The following FAM199X variants were observed in gnomAD, a reference collection of about 807,000 sequenced individuals.
The protein encoded by FAM199X is family with sequence similarity 199, X-linked.
In FAM199X, 4 loss-of-function variants were observed where a neutral mutation model predicts 22.9. That is an observed-to-expected ratio of 0.17 (90% confidence interval 0.09 to 0.40). The LOEUF (loss-of-function observed/expected upper bound fraction) is 0.40. Ranked by LOEUF, FAM199X falls within the 10% of genes least tolerant of loss-of-function variation. The pLI is 1.00. For synonymous variants in FAM199X, 101 were observed against 112.3 expected (o/e 0.90, Z 0.64); for missense variants, 183 against 306.8 (o/e 0.60, Z 3.01).
At chrX:104,182,080 A>T (rs900074676) in intron 2 of FAM199X, among the ~76,000 whole-genome samples, 2 of 101,666 alleles carry the variant, frequency 2.0e-5, no homozygotes, top group African/African-American at 7.4e-5. Context: ...CCTCTGCCTC[A>T]TGGGTTCAAG....
chrX:104,188,676 C>A (rs138203756), intron 5 of FAM199X, among the ~76,000 whole-genome samples: 103 of 112,059 alleles, frequency 9.2e-4, no homozygotes, highest in Non-Finnish European at 1.7e-3. Flanking sequence ...TTGTGTATGT[C>A]TTTTGTGTGT....
intron 2 of FAM199X, among the ~76,000 whole-genome samples, chrX:104,181,368 C>T (rs1459601098): frequency 9.0e-6 from 1 of 111,723 alleles, no homozygotes; most frequent in Non-Finnish European, 1.9e-5. Flanking sequence ...TATACAGGAG[C>T]CCATACAATT....
Position 104,191,748 on chromosome X carries a change from C to T in FAM199X, c.*1970C>T, listed in dbSNP as rs1172903258. ...TAGAGCACCATTTATCTGTCAAATACTTGGAAACTATTTACTTAACGGTCA... is the reference window on the plus strand; with the variant it reads ...TAGAGCACCATTTATCTGTCAAATATTTGGAAACTATTTACTTAACGGTCA... On this transcript the variant is annotated 3_prime_UTR_variant, in exon 6 of 6. Transcript: ENST00000493442. The T allele has an allele frequency of 2.7e-5, 3 of 111,935 alleles. No homozygotes were observed. The highest frequency in any genetic ancestry group is 9.7e-5 in the African/African-American group (3 of 30,905). The allele number at this position is 111,935 out of a possible 1,213,427, so 9.2% of individuals were successfully genotyped here. A position where few individuals can be genotyped will look rare whatever the true frequency, so the allele number is the denominator to read the frequency against.
At chrX:104,189,577 C>T (rs1556379917) in intron 5 of FAM199X, 31 bp from the exon 6 acceptor site, 1 of 1,207,300 alleles carries the variant, frequency 8.3e-7, no homozygotes, top group Middle Eastern at 2.3e-4. Context: ...AAAACTAAAC[C>T]AAACTGATTT....
At chrX:104,183,978 A>G (rs1211999798) in intron 2 of FAM199X, among the ~76,000 whole-genome samples, 1 of 111,445 alleles carries the variant, frequency 9.0e-6, no homozygotes, top group African/African-American at 3.3e-5. Context: ...GGTTTCATGT[A>G]TTTCTTTGTG....
rs1368670731 is a variant in FAM199X, at chrX:104,194,715, A to G, written c.*4937A>G. On this transcript the variant is annotated 3_prime_UTR_variant, in exon 6 of 6. Coordinates refer to ENST00000493442, the MANE Select transcript of FAM199X (RefSeq NM_207318.4). ...ATGGTAAACAAGTATATGCAAAACAATTCACATATGGGTAAAAATTTCAAA... is the reference window on the plus strand; with the variant it reads ...ATGGTAAACAAGTATATGCAAAACAGTTCACATATGGGTAAAAATTTCAAA... The G allele has an allele frequency of 8.9e-6, 1 of 112,174 alleles. No homozygotes were observed. Among genetic ancestry groups the G allele is most frequent in the Non-Finnish European group, 1.9e-5 (1 of 53,141 alleles). The allele number at this position is 112,174 out of a possible 1,213,427, so 9.2% of individuals were successfully genotyped here.
At chrX:104,170,048 A>G (rs782078439) in intron 1 of FAM199X, among the ~76,000 whole-genome samples, 5 of 112,453 alleles carry the variant, frequency 4.4e-5, no homozygotes, top group Non-Finnish European at 9.4e-5. Flanking sequence ...AAGTGAATGA[A>G]TTTTTTAAAA....
chrX:104,165,167 A>C (rs1921132169), upstream of FAM199X, among the ~76,000 whole-genome samples: 1 of 112,515 alleles, frequency 8.9e-6, no homozygotes, highest in South Asian at 3.6e-4. Flanking sequence ...TGAATGATTC[A>C]TTTTGAAAGC....
intron 1 of FAM199X, among the ~76,000 whole-genome samples, chrX:104,171,938 C>T (rs1160371481): frequency 9.0e-6 from 1 of 111,526 alleles, no homozygotes. Flanking sequence ...TTACTGATTC[C>T]AAATGAATGA....
chrX:104,163,095 TACACACACACACACACACACACAC>T (rs35140355), upstream of FAM199X, among the ~76,000 whole-genome samples: 8 of 95,430 alleles, frequency 8.4e-5, no homozygotes, highest in East Asian at 3.2e-4. Context: ...CTCAGCTAAA[TACACACACACACACACACACACAC>T]ACACACACAC....
At position 104,192,689 on chromosome X, in the gene FAM199X, GAATAA is replaced by G. The variant is rs1556380736; in HGVS notation, c.*2917_*2921del. ...TTCATTCTCTCCCAACAAGAACTTA[GAATAA>G]AATAACACTTTTTTTTCATGAGACT... On this transcript the variant is annotated 3_prime_UTR_variant, in exon 6 of 6. Coordinates refer to ENST00000493442, the MANE Select transcript of FAM199X (RefSeq NM_207318.4). 1 of 111,544 alleles carries G rather than the reference GAATAA, an allele frequency of 9.0e-6. No individual in the cohort carries two copies. The highest frequency in any genetic ancestry group is 3.2e-5 in the African/African-American group (1 of 30,845). The allele number at this position is 111,544 out of a possible 1,213,427, so 9.2% of individuals were successfully genotyped here. A position where few individuals can be genotyped will look rare whatever the true frequency, so the allele number is the denominator to read the frequency against.
chrX:104,163,825 G>A (rs782220586), upstream of FAM199X, among the ~76,000 whole-genome samples: 13 of 107,618 alleles, frequency 1.2e-4, no homozygotes, highest in Admixed American at 2.0e-4. Flanking sequence ...GCACCACCAC[G>A]CCCAGCTAAT....
chrX:104,184,695 A>T (rs368458758), intron 2 of FAM199X, among the ~76,000 whole-genome samples: 11 of 111,280 alleles, frequency 9.9e-5, no homozygotes, highest in African/African-American at 3.6e-4. Context: ...TTTGTCTTCT[A>T]TGATTTTTTT....
chrX:104,175,403 C>G (rs1238419752), intron 1 of FAM199X, among the ~76,000 whole-genome samples: 11 of 111,736 alleles, frequency 9.8e-5, no homozygotes, highest in Admixed American at 9.6e-5. Flanking sequence ...TCATCTGTAC[C>G]TCTATCCACT....
chrX:104,166,890 C>G lies in FAM199X; in HGVS notation c.105C>G (p.Ser35Arg), dbSNP rs782345485. Residue 35 changes from serine to arginine, a missense_variant, in exon 1 of 6, where the codon AGC becomes AGG. This residue lies in a region of FAM199X where 55 missense variants were observed against 60.6 expected (regional missense o/e 0.91). Coordinates refer to ENST00000493442, the MANE Select transcript of FAM199X (RefSeq NM_207318.4). ...CTCGCGGGGTGGGCACCTGCCCGAG[C>G]GAGGAGCCGGGCTGCCTGGACATCA... ...GPPRGVGTCP[S>R]EEPGCLDISD... The G allele has an allele frequency of 9.2e-6, 11 of 1,202,183 alleles. No individual in the cohort carries two copies. Among genetic ancestry groups the G allele is most frequent in the Non-Finnish European group, 1.2e-5 (11 of 890,909 alleles).
upstream of FAM199X, among the ~76,000 whole-genome samples, chrX:104,161,963 A>C (rs1556372746): frequency 8.9e-6 from 1 of 112,578 alleles, no homozygotes; most frequent in African/African-American, 3.2e-5. Flanking sequence ...GGGTGTGAAC[A>C]AAAGTTCTCT....
Position 104,191,242 on chromosome X carries a change from G to A in FAM199X, c.*1464G>A, listed in dbSNP as rs190850084. On this transcript the variant is annotated 3_prime_UTR_variant, in exon 6 of 6. Transcript: ENST00000493442. ...TCATGACTTAAATTCTTAATTCTCA[G>A]TTGATACAAAGGCTTATAATCATGT... The A allele has an allele frequency of 1.8e-5, 2 of 111,154 alleles. No homozygotes were observed. The highest frequency in any genetic ancestry group is 6.5e-5 in the African/African-American group (2 of 30,707). The allele number at this position is 111,154 out of a possible 1,213,427, so 9.2% of individuals were successfully genotyped here.
chrX:104,178,116 T>C (rs1556376909), intron 2 of FAM199X, among the ~76,000 whole-genome samples: 1 of 112,036 alleles, frequency 8.9e-6, no homozygotes, highest in African/African-American at 3.2e-5. Flanking sequence ...GTATATGATA[T>C]GTAAGATAGG....
intron 1 of FAM199X, among the ~76,000 whole-genome samples, chrX:104,168,380 CA>C (rs1921267798): frequency 8.9e-6 from 1 of 112,363 alleles, no homozygotes; most frequent in South Asian, 3.6e-4. Context: ...TCCAGTGTTA[CA>C]AATAGAACTT....
Sources: gnomAD v4.1 joint callset for allele counts (sites outside exome capture counted in the v4.1 genomes callset) on GRCh38, gnomAD v4.1.1 for gene constraint, gnomAD v4.1.1 regional missense constraint, MANE v1.5 for transcripts, NCBI Gene and HGNC (gene_info 2026-07-23, HGNC 2026-07-21) for gene names.